The following PRDM15 variants were observed in gnomAD, a reference collection of about 807,000 sequenced individuals.
PRDM15 encodes PR/SET domain 15.
In PRDM15, 64 loss-of-function variants were observed where a neutral mutation model predicts 128.6. The ratio of observed to expected loss-of-function variants is 0.50; its 90% confidence interval spans 0.41 to 0.61. The LOEUF (loss-of-function observed/expected upper bound fraction) is 0.61, where lower values mean the gene tolerates loss of function less well. Ranked by LOEUF, PRDM15 falls within the 20% of genes least tolerant of loss-of-function variation. PRDM15 has a pLI of 0.00. For synonymous variants in PRDM15, 615 were observed against 621.8 expected, an observed-to-expected ratio of 0.99 and a Z score of 0.16; for missense variants, 1,242 against 1,569.1, an observed-to-expected ratio of 0.79 and a Z score of 3.52.
chr21:41,861,920 C>A, intron 1 of PRDM15: 2 of 1,612,822 alleles, frequency 1.2e-6, no homozygotes, highest in Non-Finnish European at 1.7e-6. Context: ...TTCCTGGGAA[C>A]ACACATTCAC....
At position 41,862,720 on chromosome 21, in the gene PRDM15, T is replaced by A. The variant is rs1472875736; in HGVS notation, c.-9-2348A>T. On this transcript the variant is annotated intron_variant, in intron 1 of 23. Coordinates refer to ENST00000398548, the MANE Select transcript of PRDM15 (RefSeq NM_001040424.3). This position sits in a 1 kb window ranked among gnomAD's most constrained non-coding sequence, Gnocchi z 4.1. ...CCTGATAAACGGAGCATCTTCAAAGTCTTTGCTGTCTTGGCAAAACTCCCT... is the reference window on the plus strand; with the variant it reads ...CCTGATAAACGGAGCATCTTCAAAGACTTTGCTGTCTTGGCAAAACTCCCT... Among the ~76,000 whole-genome samples the A allele has an allele frequency of 6.6e-6, 1 of 152,132 alleles. No homozygotes were observed. The highest frequency in any genetic ancestry group is 1.5e-5 in the Non-Finnish European group (1 of 68,024).
chr21:41,801,468 C>A lies in PRDM15; in HGVS notation c.3198G>T (p.Gln1066His). ...CAGACTGTGGGTTCGAGGCTTCCGGCTGGGGGTGGATCTGGACGTCATTTT... is the reference window on the plus strand; with the variant it reads ...CAGACTGTGGGTTCGAGGCTTCCGGATGGGGGTGGATCTGGACGTCATTTT... ...NRQNDVQIHP[Q>H]PEASNPQSVA... The change falls in exon 24 of 24, where the codon CAG becomes CAT. Residue 1066 changes from glutamine (Q) to histidine (H), a missense_variant. Gln to His is a conservative substitution (Grantham distance 24, BLOSUM62 0). Transcript: ENST00000398548. 6.2e-7 allele frequency: 1 copy of A among 1,614,176 alleles called. No individual in the cohort carries two copies.
In PRDM15 at chr21:41,808,097, G is replaced by A. The variant is rs1043385149; in HGVS notation, c.2652+2057C>T. 4.6e-5 allele frequency among the ~76,000 whole-genome samples: 7 copies of A among 152,206 alleles called. No homozygotes were observed. In the East Asian group the frequency reaches 7.7e-4, roughly 17 times the overall value. On this transcript the variant is annotated intron_variant, in intron 21 of 23. Coordinates refer to ENST00000398548, the MANE Select transcript of PRDM15 (RefSeq NM_001040424.3). Reference sequence around the variant, plus strand: ...CCGGTGTACAAAAGTGATGTGCACCGTCTTTATCAATACGCGGAAGTCTAG... The same window carrying A: ...CCGGTGTACAAAAGTGATGTGCACCATCTTTATCAATACGCGGAAGTCTAG...
At position 41,879,331 on chromosome 21, in the gene PRDM15, A is replaced by C; in HGVS notation, c.-71T>G. 9.1e-7 allele frequency: 1 copy of C among 1,096,710 alleles called. No individual in the cohort carries two copies. The allele number at this position is 1,096,710 out of a possible 1,614,324, so 67.9% of individuals were successfully genotyped here. The stretch of plus-strand genomic sequence containing the variant: ...ACTCCGGGTTGCGATCCGCTCCGGA[A>C]ACTGCGCAGCACCGGAAGCCGGGGG... On this transcript the variant is annotated 5_prime_UTR_variant, in exon 1 of 24. Coordinates refer to ENST00000398548, the MANE Select transcript of PRDM15 (RefSeq NM_001040424.3). This position sits in a 1 kb window ranked among gnomAD's most constrained non-coding sequence, Gnocchi z 5.1.
chr21:41,821,062 C>T lies in PRDM15; in HGVS notation c.2060+5G>A, dbSNP rs1568921160. 1 of 1,614,184 alleles carries T rather than the reference C, an allele frequency of 6.2e-7. No homozygotes were observed. Among genetic ancestry groups the T allele is most frequent in the East Asian group, 2.2e-5 (1 of 44,878 alleles). On this transcript the variant is annotated splice_donor_5th_base_variant and intron_variant, in intron 16 of 23. Coordinates refer to ENST00000398548, the MANE Select transcript of PRDM15 (RefSeq NM_001040424.3). The surrounding 1 kb of genome is among the most constrained non-coding windows in gnomAD (Gnocchi z 5.4). ...ACAACCCGGGAGCCCCCGACCAGGC[C>T]TCACTTCTGCACGTTGGGGTCCGGC...
At position 41,879,142 on chromosome 21, in the gene PRDM15, T is replaced by G. The variant is rs2064544918; in HGVS notation, c.-10+128A>C. 3 of 952,664 alleles carry G rather than the reference T, an allele frequency of 3.1e-6. No homozygotes were observed. Among genetic ancestry groups the G allele is most frequent in the Non-Finnish European group, 2.5e-6 (2 of 796,140 alleles). 59.0% of individuals were successfully genotyped at this position (952,664 alleles called of 1,614,324 possible). A position where few individuals can be genotyped will look rare whatever the true frequency, so the allele number is the denominator to read the frequency against. ...CGGCTGGACCGGGGCGGCGCGCGGC[T>G]GCCGGGCGCGGGGGGCGGGGGGCAG... On this transcript the variant is annotated intron_variant, in intron 1 of 23. Coordinates refer to ENST00000398548, the MANE Select transcript of PRDM15 (RefSeq NM_001040424.3). This position sits in a 1 kb window ranked among gnomAD's most constrained non-coding sequence, Gnocchi z 5.1.
At chr21:41,871,172 C>CA (rs2064194542) in intron 1 of PRDM15, among the ~76,000 whole-genome samples, 2 of 152,336 alleles carry the variant, frequency 1.3e-5, no homozygotes, top group South Asian at 4.1e-4. Flanking sequence ...AACCACTCCT[C>CA]ACTGCCTGCT....
chr21:41,815,647 A>C, intron 19 of PRDM15, 58 bp downstream of exon 19: 1 of 1,596,956 alleles, frequency 6.3e-7, no homozygotes, highest in Non-Finnish European at 8.5e-7. Context: ...CCCACGGCCC[A>C]CCTGGCTTCC....
In PRDM15 at chr21:41,836,661, C is replaced by T. The variant is rs756991004; in HGVS notation, c.1002-12G>A. The T allele has an allele frequency of 1.9e-6, 3 of 1,578,204 alleles. No homozygotes were observed. The highest frequency in any genetic ancestry group is 2.7e-5 in the African/African-American group (2 of 73,766). On this transcript the variant is annotated splice_polypyrimidine_tract_variant and intron_variant, in intron 8 of 23. Transcript: ENST00000398548. The stretch of plus-strand genomic sequence containing the variant: ...GATGATGGGTGAACCTGCCCAGGGA[C>T]GTCAATAAGTTGGGAAAAGACAGGT...
chr21:41,806,012 CCACCATCACCACCACCACCAT>C (rs2061562871), intron 21 of PRDM15, among the ~76,000 whole-genome samples: 1 of 41,008 alleles, frequency 2.4e-5, no homozygotes, highest in Admixed American at 2.5e-4. Flanking sequence ...ACCATCACCA[CCACCATCACCACCACCACCAT>C]CACCACCACC....
intron 5 of PRDM15, among the ~76,000 whole-genome samples, chr21:41,849,493 G>A (rs1000637391): frequency 5.3e-5 from 8 of 152,026 alleles, no homozygotes; most frequent in Non-Finnish European, 8.8e-5. Context: ...GCTCGAACTC[G>A]GGAGGTGGAG....
intron 1 of PRDM15, among the ~76,000 whole-genome samples, chr21:41,869,129 C>G (rs1011758376): frequency 1.5e-4 from 23 of 152,182 alleles, no homozygotes; most frequent in Non-Finnish European, 2.9e-4. Context: ...CCATTCCTCC[C>G]ACTCCCAGTT....
At chr21:41,874,380 C>CA (rs1390826399) in intron 1 of PRDM15, among the ~76,000 whole-genome samples, 2 of 151,906 alleles carry the variant, frequency 1.3e-5, no homozygotes, top group Non-Finnish European at 2.9e-5. Flanking sequence ...AGCTAACAGT[C>CA]AGAGTTGAGG....
At position 41,821,401 on chromosome 21, in the gene PRDM15, A is replaced by G. The variant is rs2062258534; in HGVS notation, c.1897-171T>C. Among the ~76,000 whole-genome samples, 1 of 152,192 alleles carries G rather than the reference A, an allele frequency of 6.6e-6. No homozygotes were observed. Among genetic ancestry groups the G allele is most frequent in the Non-Finnish European group, 1.5e-5 (1 of 68,032 alleles). On this transcript the variant is annotated intron_variant, in intron 15 of 23. Coordinates refer to ENST00000398548, the MANE Select transcript of PRDM15 (RefSeq NM_001040424.3). The surrounding 1 kb of genome is among the most constrained non-coding windows in gnomAD (Gnocchi z 5.4). ...CTTGATGGGGAACTTTTCCGAAGCC[A>G]TAAGGCCTCATGCCCAAAACTCAAG...
chr21:41,856,115 T>TTCCC (rs2063603208), intron 4 of PRDM15, among the ~76,000 whole-genome samples: 1 of 6,618 alleles, frequency 1.5e-4, no homozygotes, highest in African/African-American at 9.0e-4. Flanking sequence ...CTTTCCTTCC[T>TTCCC]TCCCTCCCTC....
At position 41,859,297 on chromosome 21, in the gene PRDM15, C is replaced by T. The variant is rs1569001864; in HGVS notation, c.131+295G>A. 1.4e-6 allele frequency: 2 copies of T among 1,439,792 alleles called. No homozygotes were observed. The highest frequency in any genetic ancestry group is 4.6e-5 in the East Asian group (2 of 43,458). 89.2% of individuals were successfully genotyped at this position (1,439,792 alleles called of 1,614,324 possible). A position where few individuals can be genotyped will look rare whatever the true frequency, so the allele number is the denominator to read the frequency against. On this transcript the variant is annotated intron_variant, in intron 3 of 23. Transcript: ENST00000398548. The surrounding 1 kb of genome is among the most constrained non-coding windows in gnomAD (Gnocchi z 5.3). ...TGCTGGTGCTCAGCACGTCAACCAC[C>T]TTGGCAAGTCCACTCTTCTGCAGCC...
chr21:41,810,282 C>G lies in PRDM15; in HGVS notation c.2524G>C (p.Glu842Gln), dbSNP rs138311804. The G allele has an allele frequency of 3.7e-6, 6 of 1,613,434 alleles. No homozygotes were observed. The highest frequency in any genetic ancestry group is 2.7e-5 in the African/African-American group (2 of 74,904). The change falls in exon 21 of 24, where the codon GAG (glutamate) becomes CAG (glutamine). Residue 842 changes from glutamate to glutamine, a missense_variant. By Grantham distance (29) the Glu-to-Gln change is conservative. This residue lies in a region of PRDM15 where 602 missense variants were observed against 788.3 expected (regional missense o/e 0.76). Coordinates refer to ENST00000398548, the MANE Select transcript of PRDM15 (RefSeq NM_001040424.3). This position sits in a 1 kb window ranked among gnomAD's most constrained non-coding sequence, Gnocchi z 6.4. ...TGAACGTGCTTCTGCAGCATGTACT[C>G]GGTCACGTACTTCTTGTCGCACACG... ...CSVCDKKYVT[E>Q]YMLQKHVQLT... is the part of the protein sequence containing the mutation.
rs756946493 is a variant in PRDM15, at chr21:41,828,207, C to T, written c.1493G>A (p.Arg498His). 15 of 1,614,028 alleles carry T rather than the reference C, an allele frequency of 9.3e-6. No homozygotes were observed. Among genetic ancestry groups the T allele is most frequent in the South Asian group, 3.3e-5 (3 of 91,080 alleles). The change falls in exon 12 of 24, where the codon CGC becomes CAC. Residue 498 changes from arginine to histidine, a missense_variant. This residue lies in a region of PRDM15 where 612 missense variants were observed against 717.0 expected (regional missense o/e 0.85). Coordinates refer to ENST00000398548, the MANE Select transcript of PRDM15 (RefSeq NM_001040424.3). The surrounding 1 kb of genome is among the most constrained non-coding windows in gnomAD (Gnocchi z 5.7). ...ACEVCSKMFY[R>H]KDVMLDHQRR... ...CTGGTGGTCCAGCATGACGTCCTTG[C>T]GGTAGAACATCTTGCTGCAGACCTC...
At chr21:41,851,577 G>A (rs958845837) in intron 5 of PRDM15, among the ~76,000 whole-genome samples, 3 of 152,150 alleles carry the variant, frequency 2.0e-5, no homozygotes, top group Admixed American at 6.5e-5. Context: ...GGGCGCTGAC[G>A]CGGCTGCAGA....
Sources: allele counts gnomAD v4.1 joint callset (sites outside exome capture counted in the v4.1 genomes callset), GRCh38; gene constraint gnomAD v4.1.1; regional missense constraint gnomAD v4.1.1; non-coding constraint Gnocchi (gnomAD v3.1); transcripts MANE v1.5; gene names NCBI Gene and HGNC (gene_info 2026-07-23, HGNC 2026-07-21).